IL16: variants seen among roughly 807,000 people sequenced by gnomAD.
The protein encoded by IL16 is pro-interleukin-16.
IL16 carries 67 observed loss-of-function variants against 110.1 expected under a neutral mutation model. The ratio of observed to expected loss-of-function variants is 0.61; its 90% confidence interval spans 0.50 to 0.75. The LOEUF (loss-of-function observed/expected upper bound fraction) is 0.75, where lower values mean the gene tolerates loss of function less well. Ranked by LOEUF, IL16 falls within the 30% of genes least tolerant of loss-of-function variation. The pLI, the probability that IL16 is intolerant of heterozygous loss-of-function variation, is 0.00. For synonymous variants in IL16, 689 were observed against 662.9 expected (o/e 1.04, Z -0.61); for missense variants, 1,545 against 1,655.0 (o/e 0.93, Z 1.15).
At chr15:81,213,354 T>C (rs1031481461) in intron 1 of IL16, among the ~76,000 whole-genome samples, 1 of 152,196 alleles carries the variant, frequency 6.6e-6, no homozygotes, top group Non-Finnish European at 1.5e-5. Flanking sequence ...ATGAGAAGAA[T>C]ATATATTCCG....
intron 1 of IL16, among the ~76,000 whole-genome samples, chr15:81,185,503 G>A (rs1012032391): frequency 7.2e-5 from 11 of 151,856 alleles, no homozygotes; most frequent in African/African-American, 2.2e-4. Context: ...CTACAGGAGC[G>A]TGCCACCATG....
intron 1 of IL16, among the ~76,000 whole-genome samples, chr15:81,223,209 A>G (rs1221455026): frequency 2.0e-5 from 3 of 152,158 alleles, no homozygotes; most frequent in African/African-American, 7.2e-5. Flanking sequence ...CAGTGGCTGT[A>G]GGGAAAGGAA....
At chr15:81,231,368 CTCTCTCT>C (rs1896976702) in intron 2 of IL16, among the ~76,000 whole-genome samples, 1 of 145,528 alleles carries the variant, frequency 6.9e-6, no homozygotes, top group African/African-American at 2.6e-5. Flanking sequence ...CTCTCTCTCT[CTCTCTCT>C]CTCTCTCCCT....
intron 10 of IL16, chr15:81,290,162 G>C (rs1899643541): frequency 2.2e-6 from 1 of 454,200 alleles, no homozygotes; most frequent in Admixed American, 3.9e-5. Context: ...AACCTATGAA[G>C]TGGTAACTTT....
intron 1 of IL16, among the ~76,000 whole-genome samples, chr15:81,213,151 T>A (rs75709789): frequency 0.013 from 2,040 of 152,290 alleles, 45 homozygotes; most frequent in African/African-American, 0.047. Flanking sequence ...CATCCAGGAG[T>A]TATTCAGAAG....
intron 1 of IL16, among the ~76,000 whole-genome samples, chr15:81,209,061 G>A (rs574750133): frequency 3.3e-5 from 5 of 152,114 alleles, no homozygotes; most frequent in East Asian, 1.9e-4. Flanking sequence ...TTAGCATGGG[G>A]GCACTAATTC....
intron 2 of IL16, among the ~76,000 whole-genome samples, chr15:81,246,410 T>C (rs1897551976): frequency 6.6e-6 from 1 of 152,244 alleles, no homozygotes; most frequent in Non-Finnish European, 1.5e-5. Flanking sequence ...TCAGATAGCG[T>C]ATAAAATGAA....
At chr15:81,202,184 G>C (rs1311135571) in intron 1 of IL16, among the ~76,000 whole-genome samples, 4 of 152,130 alleles carry the variant, frequency 2.6e-5, no homozygotes, top group Admixed American at 6.5e-5. Context: ...GCCAAGCTAG[G>C]CCTCATGGAT....
chr15:81,258,786 T>G lies in IL16; in HGVS notation c.313-986T>G, dbSNP rs184776421. Among the ~76,000 whole-genome samples, 39 of 152,072 alleles carry G rather than the reference T, an allele frequency of 2.6e-4. No homozygotes were observed. In the East Asian group the frequency reaches 7.5e-3, roughly 29 times the overall value. On this transcript the variant is annotated intron_variant, in intron 2 of 18. Transcript: ENST00000683961. ...CTCTCTCTCTCTCTATATATATATA[T>G]TTGTGCATATACGCACACACAACAT...
chr15:81,230,710 A>G (rs1210638297), intron 2 of IL16, among the ~76,000 whole-genome samples: 1 of 152,146 alleles, frequency 6.6e-6, no homozygotes, highest in Non-Finnish European at 1.5e-5. Flanking sequence ...TTCCACAATA[A>G]TAGGATTTAC....
At chr15:81,306,654 T>C in intron 18 of IL16, 109 bp downstream of exon 18, 2 of 1,345,854 alleles carry the variant, frequency 1.5e-6, no homozygotes, top group East Asian at 2.3e-5. Context: ...CACAACTCCA[T>C]GTCCTCTTCA....
intron 9 of IL16, among the ~76,000 whole-genome samples, 182 bp downstream of exon 9, chr15:81,282,938 CT>C (rs1422704493): frequency 1.3e-5 from 2 of 152,206 alleles, no homozygotes; most frequent in African/African-American, 4.8e-5. Context: ...GGCAGGCCTC[CT>C]TCCTGCCCCC....
At chr15:81,255,106 CT>C (rs1369534906) in intron 2 of IL16, among the ~76,000 whole-genome samples, 2 of 152,174 alleles carry the variant, frequency 1.3e-5, no homozygotes, top group African/African-American at 2.4e-5. Flanking sequence ...TGAACAATAA[CT>C]TGAAATAGTC....
intron 4 of IL16, among the ~76,000 whole-genome samples, chr15:81,267,245 A>G (rs1180808648): frequency 1.3e-5 from 2 of 152,180 alleles, no homozygotes; most frequent in Non-Finnish European, 2.9e-5. Context: ...AAGATCAGCC[A>G]GTAGTAGCTG....
intron 2 of IL16, among the ~76,000 whole-genome samples, chr15:81,256,674 T>C (rs1439234141): frequency 6.6e-6 from 1 of 152,154 alleles, no homozygotes; most frequent in African/African-American, 2.4e-5. Flanking sequence ...TAGTATTCGA[T>C]GTATTGTGTA....
Position 81,269,536 on chromosome 15 carries a change from A to G in IL16, c.565-2A>G, listed in dbSNP as rs1457244588. 1.2e-6 allele frequency: 2 copies of G among 1,611,082 alleles called. No individual in the cohort carries two copies. Among genetic ancestry groups the G allele is most frequent in the South Asian group, 1.1e-5 (1 of 90,970 alleles). ...TCTGCCTACTCTGGTTCCTTGTTGC[A>G]GGGAACTTCGAGACCAACACGGTCC... On this transcript the variant is annotated splice_acceptor_variant, in intron 4 of 18. Transcript: ENST00000683961. LOFTEE classifies it high-confidence loss of function.
At position 81,311,404 on chromosome 15, in the gene IL16, G is replaced by A. The variant is rs908239015; in HGVS notation, c.*2606G>A. 4 of 152,224 alleles carry A rather than the reference G, an allele frequency of 2.6e-5. No homozygotes were observed. Among genetic ancestry groups the A allele is most frequent in the African/African-American group, 9.7e-5 (4 of 41,446 alleles). 9.4% of individuals were successfully genotyped at this position (152,224 alleles called of 1,614,324 possible). A position where few individuals can be genotyped will look rare whatever the true frequency, so the allele number is the denominator to read the frequency against. On this transcript the variant is annotated 3_prime_UTR_variant, in exon 19 of 19. Transcript: ENST00000683961. ...AGACAAATCAAAGCAGATATATTAA[G>A]TGACTGTTCAAGAGCACACTTGGCC...
chr15:81,262,097 C>G (rs138441950), intron 3 of IL16, among the ~76,000 whole-genome samples: 2 of 152,170 alleles, frequency 1.3e-5, no homozygotes, highest in East Asian at 3.9e-4. Context: ...GTTAAACATT[C>G]ATACAGGTGA....
Position 81,313,140 on chromosome 15 carries a change from A to T in IL16, c.*4342A>T. 8.0e-7 allele frequency: 1 copy of T among 1,249,118 alleles called. No homozygotes were observed. The highest frequency in any genetic ancestry group is 1.1e-6 in the Non-Finnish European group (1 of 935,294). 77.4% of individuals were successfully genotyped at this position (1,249,118 alleles called of 1,614,324 possible). ...CATTCTCAGAGATGCGCAGTCCATC[A>T]GCTTGTTCCAAAGAGTGAACACAGG... On this transcript the variant is annotated 3_prime_UTR_variant, in exon 19 of 19. Transcript: ENST00000683961.
Sources: gnomAD v4.1 joint callset for allele counts (sites outside exome capture counted in the v4.1 genomes callset) on GRCh38, gnomAD v4.1.1 for gene constraint, MANE v1.5 for transcripts, NCBI Gene and HGNC (gene_info 2026-07-23, HGNC 2026-07-21) for gene names.